Variants in CDK8 observed in about 807,000 individuals in gnomAD.
CDK8 encodes cyclin-dependent kinase 8.
Under a neutral mutation model 71.5 loss-of-function variants are expected in CDK8, and 29 were observed. The observed-to-expected ratio is 0.41, with a 90% CI of 0.30 to 0.55. The LOEUF is 0.55. Among genes scored for constraint, CDK8 ranks in the 20% least tolerant of loss-of-function variants. The pLI is 0.37. For synonymous variants in CDK8, 161 were observed against 192.1 expected, an observed-to-expected ratio of 0.84 and a Z score of 1.34; for missense variants, 288 against 572.6, an observed-to-expected ratio of 0.50 and a Z score of 5.07.
At chr13:26,318,557 A>G (rs1012083920) in intron 1 of CDK8, among the ~76,000 whole-genome samples, 10 of 152,142 alleles carry the variant, frequency 6.6e-5, no homozygotes, top group Admixed American at 5.9e-4. Flanking sequence ...CCCAAATTCA[A>G]CAGCGTGTTA....
intron 4 of CDK8, among the ~76,000 whole-genome samples, chr13:26,355,769 C>G (rs959301113): frequency 6.6e-6 from 1 of 152,050 alleles, no homozygotes; most frequent in Admixed American, 6.6e-5. Flanking sequence ...TTTTTATGAT[C>G]TCTAAAAGAA....
At chr13:26,323,029 A>G (rs1041945415) in intron 1 of CDK8, among the ~76,000 whole-genome samples, 6 of 152,160 alleles carry the variant, frequency 3.9e-5, no homozygotes, top group Non-Finnish European at 7.3e-5. Flanking sequence ...GGCAATAGGT[A>G]CATAGAATTG....
intron 4 of CDK8, among the ~76,000 whole-genome samples, chr13:26,373,245 T>G (rs1050019915): frequency 1.5e-4 from 23 of 151,876 alleles, no homozygotes; most frequent in Non-Finnish European, 2.9e-4. Flanking sequence ...ATTGGTAGGG[T>G]TTTTTTTACA....
At chr13:26,321,218 A>G (rs557678100) in intron 1 of CDK8, among the ~76,000 whole-genome samples, 46 of 152,306 alleles carry the variant, frequency 3.0e-4, no homozygotes, top group African/African-American at 1.1e-3. Context: ...AAAGGTAGGA[A>G]ATTCTGACAT....
chr13:26,388,377 A>G (rs1463629896), intron 6 of CDK8, among the ~76,000 whole-genome samples: 3 of 152,238 alleles, frequency 2.0e-5, no homozygotes, highest in Admixed American at 1.3e-4. Flanking sequence ...ACCTAAATAC[A>G]TATCTGGGTA....
rs528890792 is a variant in CDK8, at chr13:26,267,785, A to T, written c.128+13016A>T. ...CTTTGCGTCTGTCTTTGTATACAACATGCTGTCAGATGGAGGTAGAACTTC... is the reference window on the plus strand; with the variant it reads ...CTTTGCGTCTGTCTTTGTATACAACTTGCTGTCAGATGGAGGTAGAACTTC... On this transcript the variant is annotated intron_variant, in intron 1 of 12. Coordinates refer to ENST00000381527, the MANE Select transcript of CDK8 (RefSeq NM_001260.3). Among the ~76,000 whole-genome samples, 32 of 152,338 alleles carry T rather than the reference A, an allele frequency of 2.1e-4. No individual in the cohort carries two copies. The South Asian group carries it at 6.4e-3, about 31-fold the overall frequency.
intron 4 of CDK8, among the ~76,000 whole-genome samples, chr13:26,366,094 T>C (rs1454644340): frequency 3.9e-5 from 6 of 152,168 alleles, no homozygotes; most frequent in Non-Finnish European, 8.8e-5. Flanking sequence ...AGATGGACTA[T>C]ATTAGATAAG....
chr13:26,270,246 G>A (rs867612452), intron 1 of CDK8, among the ~76,000 whole-genome samples: 4 of 152,008 alleles, frequency 2.6e-5, no homozygotes, highest in Middle Eastern at 3.4e-3. Context: ...AAAATTAGCT[G>A]GGTGTGGTGG....
chr13:26,254,841 G>T lies in CDK8; in HGVS notation c.128+72G>T. On this transcript the variant is annotated intron_variant, in intron 1 of 12. Coordinates refer to ENST00000381527, the MANE Select transcript of CDK8 (RefSeq NM_001260.3). The surrounding 1 kb of genome is among the most constrained non-coding windows in gnomAD (Gnocchi z 6.7). ...GCAGGCCGAGGCAGGTAGCCCGGAG[G>T]GAGAGCGGGCCGCCGGGGTGCCGGG... The T allele has an allele frequency of 1.3e-6, 2 of 1,572,238 alleles. No homozygotes were observed. Among genetic ancestry groups the T allele is most frequent in the South Asian group, 2.3e-5 (2 of 86,838 alleles).
chr13:26,257,640 G>T (rs1871582057), intron 1 of CDK8, among the ~76,000 whole-genome samples: 1 of 152,110 alleles, frequency 6.6e-6, no homozygotes, highest in Non-Finnish European at 1.5e-5. Flanking sequence ...TCTCCTCTTT[G>T]CAGAGTTTAG....
At chr13:26,322,899 C>T (rs1874845482) in intron 1 of CDK8, among the ~76,000 whole-genome samples, 1 of 152,074 alleles carries the variant, frequency 6.6e-6, no homozygotes, top group African/African-American at 2.4e-5. Context: ...TTGGCATTTG[C>T]CAAATTTGGC....
At position 26,316,944 on chromosome 13, in the gene CDK8, G is replaced by A. The variant is rs148596242; in HGVS notation, c.129-20623G>A. On this transcript the variant is annotated intron_variant, in intron 1 of 12. Coordinates refer to ENST00000381527, the MANE Select transcript of CDK8 (RefSeq NM_001260.3). ...AAAATTAAAGGAAGATGTGGAGAAA[G>A]TAAAAACAAACCAAAAACAACAAAA... Among the ~76,000 whole-genome samples the A allele has an allele frequency of 3.8e-4, 58 of 151,664 alleles. No homozygotes were observed. The Middle Eastern group carries it at 0.01, about 27-fold the overall frequency.
In CDK8 at chr13:26,396,447, A is replaced by G. The variant is rs1437921436; in HGVS notation, c.860+93A>G. 9.4e-6 allele frequency: 4 copies of G among 423,988 alleles called. No homozygotes were observed. In the East Asian group the frequency reaches 1.1e-4, roughly 12 times the overall value. 26.3% of individuals were successfully genotyped at this position (423,988 alleles called of 1,614,324 possible). A position where few individuals can be genotyped will look rare whatever the true frequency, so the allele number is the denominator to read the frequency against. On this transcript the variant is annotated intron_variant, in intron 8 of 12. Coordinates refer to ENST00000381527, the MANE Select transcript of CDK8 (RefSeq NM_001260.3). ...TATTCAACATAATAAAATACTCAAT[A>G]TAAGATTACTCTAATAAATAATTTT...
chr13:26,390,568 A>G (rs1189278286), intron 6 of CDK8, among the ~76,000 whole-genome samples: 1 of 152,178 alleles, frequency 6.6e-6, no homozygotes, highest in Middle Eastern at 3.2e-3. Flanking sequence ...AAAAAAAGGG[A>G]TATCAATCTC....
intron 4 of CDK8, among the ~76,000 whole-genome samples, chr13:26,368,349 C>T (rs1179732766): frequency 4.6e-5 from 7 of 152,174 alleles, no homozygotes; most frequent in Non-Finnish European, 7.3e-5. Context: ...CAAATCACAT[C>T]GTGTCATTCC....
chr13:26,311,569 C>T (rs779807642), intron 1 of CDK8, among the ~76,000 whole-genome samples: 2 of 152,270 alleles, frequency 1.3e-5, no homozygotes, highest in Admixed American at 6.5e-5. Context: ...TTTTCCTCTC[C>T]GTATTTGTTA....
At chr13:26,277,215 T>C (rs1186446737) in intron 1 of CDK8, among the ~76,000 whole-genome samples, 2 of 152,228 alleles carry the variant, frequency 1.3e-5, no homozygotes, top group East Asian at 3.8e-4. Flanking sequence ...ATGTTATATC[T>C]ACATTATGTT....
intron 4 of CDK8, 135 bp from the exon 5 acceptor site, chr13:26,382,679 G>A: frequency 3.6e-6 from 2 of 561,290 alleles, no homozygotes; most frequent in Non-Finnish European, 3.1e-6. Flanking sequence ...TTTCTTTGGT[G>A]ACTTCCTGTA....
intron 1 of CDK8, among the ~76,000 whole-genome samples, chr13:26,255,529 G>A (rs1483880902): frequency 6.6e-6 from 1 of 152,020 alleles, no homozygotes; most frequent in South Asian, 2.1e-4. Flanking sequence ...CCTATGACTG[G>A]TAATGCTTCC....
Sources: gnomAD v4.1 joint callset for allele counts (sites outside exome capture counted in the v4.1 genomes callset) on GRCh38, gnomAD v4.1.1 for gene constraint, Gnocchi (gnomAD v3.1) non-coding constraint, MANE v1.5 for transcripts, NCBI Gene and HGNC (gene_info 2026-07-23, HGNC 2026-07-21) for gene names.